Variants in NTM observed in about 807,000 individuals in gnomAD.
NTM encodes the protein IgLON family member 2.
A neutral mutation model predicts 42.1 loss-of-function variants in NTM; 13 were observed. The ratio of observed to expected loss-of-function variants is 0.31; its 90% CI spans 0.20 to 0.49. The LOEUF is 0.49. Ranked by LOEUF, NTM falls within the 20% of genes least tolerant of loss-of-function variation. The pLI, the probability that NTM is intolerant of heterozygous loss-of-function variation, is 0.99. For synonymous variants in NTM, 187 were observed against 179.2 expected (o/e 1.04, Z -0.35); for missense variants, 373 against 452.8 (o/e 0.82, Z 1.60).
intron 2 of NTM, among the ~76,000 whole-genome samples, chr11:131,953,478 G>GC (rs2061240246): frequency 6.6e-6 from 1 of 152,128 alleles, no homozygotes; most frequent in Non-Finnish European, 1.5e-5. Flanking sequence ...TACCTATGGA[G>GC]CATGACATAA....
At chr11:131,498,706 G>A (rs563974362) in intron 1 of NTM, among the ~76,000 whole-genome samples, 11 of 152,310 alleles carry the variant, frequency 7.2e-5, no homozygotes, top group Admixed American at 7.2e-4. Context: ...TGGCCTCTGG[G>A]CTGATCTGGG....
chr11:131,461,543 G>T (rs559437940), intron 1 of NTM, among the ~76,000 whole-genome samples: 5 of 152,266 alleles, frequency 3.3e-5, no homozygotes, highest in Admixed American at 2.0e-4. Context: ...CAGGGGTAGC[G>T]GGGTGGAGGA....
chr11:131,500,896 T>A lies in NTM; in HGVS notation c.82+130008T>A, dbSNP rs1020608365. Among the ~76,000 whole-genome samples, 50 of 149,332 alleles carry A rather than the reference T, an allele frequency of 3.3e-4. 1 individual carries two copies. Among genetic ancestry groups the A allele is most frequent in the Admixed American group, 1.3e-3 (19 of 14,574 alleles). ...GAATGATGGTTTCCAGCTTCATCCA[T>A]GTCTCTACAAAGGACATGAACTCAT... On this transcript the variant is annotated intron_variant, in intron 1 of 8. Transcript: ENST00000683400.
chr11:131,786,785 C>A (rs1591823492), intron 1 of NTM, among the ~76,000 whole-genome samples: 1 of 152,294 alleles, frequency 6.6e-6, no homozygotes, highest in East Asian at 1.9e-4. Context: ...CACTGGTTAG[C>A]AGAAGGGTTT....
chr11:131,617,096 C>T (rs573826770), intron 1 of NTM, among the ~76,000 whole-genome samples: 1 of 152,024 alleles, frequency 6.6e-6, no homozygotes, highest in Non-Finnish European at 1.5e-5. Context: ...CTGGACGCTG[C>T]GAGGCTGGGG....
intron 3 of NTM, among the ~76,000 whole-genome samples, chr11:132,208,991 A>T (rs980566016): frequency 6.6e-6 from 1 of 152,078 alleles, no homozygotes; most frequent in Non-Finnish European, 1.5e-5. Flanking sequence ...GGGTGCTAAG[A>T]GTGAGCAGGG....
At chr11:131,707,483 C>A (rs893816494) in intron 1 of NTM, among the ~76,000 whole-genome samples, 1 of 151,930 alleles carries the variant, frequency 6.6e-6, no homozygotes, top group African/African-American at 2.4e-5. Flanking sequence ...TTCAATATAC[C>A]AATGTCAATT....
At chr11:131,636,907 C>T (rs1478642332) in intron 1 of NTM, among the ~76,000 whole-genome samples, 1 of 152,190 alleles carries the variant, frequency 6.6e-6, no homozygotes, top group Admixed American at 6.5e-5. Flanking sequence ...TTTTGAGCAG[C>T]AGTGGACTTT....
At chr11:131,639,868 A>C (rs1171505409) in intron 1 of NTM, among the ~76,000 whole-genome samples, 2 of 152,148 alleles carry the variant, frequency 1.3e-5, no homozygotes, top group African/African-American at 4.8e-5. Context: ...AGGCAGGAGA[A>C]TCACTTGAAC....
intron 1 of NTM, among the ~76,000 whole-genome samples, chr11:131,597,541 A>G (rs1452127050): frequency 2.0e-5 from 3 of 152,262 alleles, no homozygotes; most frequent in Non-Finnish European, 4.4e-5. Context: ...ATCAAGGCCT[A>G]AGGCGCGCAA....
Position 131,655,388 on chromosome 11 carries a change from T to A in NTM, c.83-256176T>A, listed in dbSNP as rs78885158. Among the ~76,000 whole-genome samples the A allele has an allele frequency of 4.3e-3, 661 of 152,300 alleles. 17 individuals carry two copies. The East Asian group carries it at 0.054, about 12-fold the overall frequency. On this transcript the variant is annotated intron_variant, in intron 1 of 8. Coordinates refer to ENST00000683400, the MANE Select transcript of NTM (RefSeq NM_001352005.2). The stretch of plus-strand genomic sequence containing the variant: ...TCCATCATCCGGGAGAAGATGCTAA[T>A]TAGTAGCATTTAATCTGGTACCTTC...
intron 1 of NTM, among the ~76,000 whole-genome samples, chr11:131,730,784 C>T (rs1352433949): frequency 1.3e-5 from 2 of 150,378 alleles, no homozygotes; most frequent in Non-Finnish European, 3.0e-5. Context: ...AGGAATGGAT[C>T]TGGGGTGCCT....
chr11:132,094,545 G>C (rs972962469), intron 2 of NTM, among the ~76,000 whole-genome samples: 1 of 152,160 alleles, frequency 6.6e-6, no homozygotes, highest in Non-Finnish European at 1.5e-5. Context: ...AAATGAATGA[G>C]AGTGGCATGG....
At chr11:131,512,100 A>G (rs915237599) in intron 1 of NTM, among the ~76,000 whole-genome samples, 4 of 152,200 alleles carry the variant, frequency 2.6e-5, no homozygotes, top group South Asian at 2.1e-4. Context: ...CAAATTGCGC[A>G]TTCCACTTGC....
chr11:131,842,708 C>T (rs2044411157), intron 1 of NTM, among the ~76,000 whole-genome samples: 1 of 151,282 alleles, frequency 6.6e-6, no homozygotes, highest in African/African-American at 2.4e-5. Context: ...ATTAAATTTA[C>T]TATCTAAATT....
At chr11:132,045,709 A>G (rs1327203326) in intron 2 of NTM, among the ~76,000 whole-genome samples, 2 of 152,194 alleles carry the variant, frequency 1.3e-5, no homozygotes, top group East Asian at 1.9e-4. Flanking sequence ...GCATCAGTCA[A>G]TAGCAGCGGG....
At chr11:131,920,808 TA>T (rs1317197061) in intron 2 of NTM, among the ~76,000 whole-genome samples, 2 of 152,130 alleles carry the variant, frequency 1.3e-5, no homozygotes, top group Non-Finnish European at 2.9e-5. Context: ...GATGGAAAAT[TA>T]AAAAAACTAA....
chr11:132,171,319 T>C (rs2076085086), intron 3 of NTM, among the ~76,000 whole-genome samples: 2 of 152,296 alleles, frequency 1.3e-5, no homozygotes, highest in South Asian at 4.1e-4. Context: ...ATAGACTGGG[T>C]TGCTTATTAA....
chr11:132,316,988 A>G (rs983359656), intron 7 of NTM, among the ~76,000 whole-genome samples: 3 of 152,196 alleles, frequency 2.0e-5, no homozygotes, highest in African/African-American at 4.8e-5. Context: ...CAGCAAAATT[A>G]TCATCATTTT....
Sources: gnomAD v4.1 joint callset for allele counts (sites outside exome capture counted in the v4.1 genomes callset) on GRCh38, gnomAD v4.1.1 for gene constraint, MANE v1.5 for transcripts, NCBI Gene and HGNC (gene_info 2026-07-23, HGNC 2026-07-21) for gene names.